Variants in SLC10A7 observed in about 807,000 individuals in gnomAD.
SLC10A7 encodes sodium/bile acid cotransporter 7.
Under a neutral mutation model 43.2 loss-of-function variants are expected in SLC10A7, and 29 were observed. The ratio of observed to expected loss-of-function variants is 0.67; its 90% CI spans 0.50 to 0.92. SLC10A7 has a LOEUF of 0.92. Among genes scored for constraint, SLC10A7 ranks in the 40% least tolerant of loss-of-function variants. The pLI, the probability that SLC10A7 is intolerant of heterozygous loss-of-function variation, is 0.00. For missense variants in SLC10A7, 295 were observed against 403.2 expected, an observed-to-expected ratio of 0.73 and a Z score of 2.30; for synonymous variants, 152 against 144.8, an observed-to-expected ratio of 1.05 and a Z score of -0.35.
chr4:146,433,118 A>G (rs1729913969), intron 5 of SLC10A7, among the ~76,000 whole-genome samples: 1 of 151,306 alleles, frequency 6.6e-6, no homozygotes, highest in South Asian at 2.1e-4. Flanking sequence ...AAGGCTAAAG[A>G]CAGAGAAAAA....
intron 4 of SLC10A7, among the ~76,000 whole-genome samples, chr4:146,474,841 T>A (rs1051208036): frequency 6.6e-6 from 1 of 152,172 alleles, no homozygotes; most frequent in Non-Finnish European, 1.5e-5. Flanking sequence ...ATATACTAAT[T>A]TTAAAATGTG....
At chr4:146,414,287 C>T (rs1032634592) in intron 5 of SLC10A7, among the ~76,000 whole-genome samples, 2 of 152,190 alleles carry the variant, frequency 1.3e-5, no homozygotes, top group Non-Finnish European at 2.9e-5. Flanking sequence ...GATCCAAACA[C>T]ACCCATGTGC....
At chr4:146,348,228 C>A (rs1019906016) in intron 5 of SLC10A7, among the ~76,000 whole-genome samples, 2 of 152,116 alleles carry the variant, frequency 1.3e-5, no homozygotes, top group African/African-American at 4.8e-5. Context: ...AGTTTTCATT[C>A]TAAATGAATG....
At chr4:146,437,901 TTATAGCA>T (rs1730320740) in intron 5 of SLC10A7, among the ~76,000 whole-genome samples, 2 of 152,176 alleles carry the variant, frequency 1.3e-5, no homozygotes, top group South Asian at 4.1e-4. Context: ...CTCTAATGTT[TTATAGCA>T]TAGTTGGAAA....
rs1738684549 is a variant in SLC10A7 at position 146,521,671 on chromosome 4, A to G, written c.47T>C (p.Ile16Thr). Residue 16 changes from isoleucine to threonine, a missense_variant, in exon 1 of 12, where the codon ATA (isoleucine) becomes ACA (threonine). Transcript: ENST00000335472. ...TTTAGCTCCAGCGATCGCCAGCACT[A>G]TTCCGACCATGAACCAGTCTTTCCT... ...RMRKDWFMVGIVLAIAGAKLE... is the reference protein window; with the variant it reads ...RMRKDWFMVGTVLAIAGAKLE... The G allele has an allele frequency of 6.2e-7, 1 of 1,614,034 alleles. No homozygotes were observed. The highest frequency in any genetic ancestry group is 1.7e-5 in the Admixed American group (1 of 59,996).
At chr4:146,447,145 A>G (rs1731163107) in intron 4 of SLC10A7, among the ~76,000 whole-genome samples, 1 of 152,192 alleles carries the variant, frequency 6.6e-6, no homozygotes, top group African/African-American at 2.4e-5. Context: ...CCTTCCTATT[A>G]TAATATAGTT....
In SLC10A7 at chr4:146,386,564, G is replaced by T. The variant is rs1738013014; in HGVS notation, c.435+56219C>A. Among the ~76,000 whole-genome samples, 3 of 152,076 alleles carry T rather than the reference G, an allele frequency of 2.0e-5. No homozygotes were observed. In the South Asian group the frequency reaches 6.2e-4, roughly 32 times the overall value. ...CTTAGCATGTATTCACATATTCTCT[G>T]TTGTTAATGCCTACTGCTATTCTGG... On this transcript the variant is annotated intron_variant, in intron 5 of 11. Transcript: ENST00000335472.
intron 5 of SLC10A7, among the ~76,000 whole-genome samples, chr4:146,347,284 C>T (rs569007639): frequency 6.6e-6 from 1 of 152,210 alleles, no homozygotes; most frequent in South Asian, 2.1e-4. Context: ...ACCAATCTCT[C>T]ACAGAAGCTT....
intron 10 of SLC10A7, among the ~76,000 whole-genome samples, chr4:146,280,006 G>A (rs1729444475): frequency 6.6e-6 from 1 of 152,078 alleles, no homozygotes; most frequent in Non-Finnish European, 1.5e-5. Context: ...GTGTATATAA[G>A]AGAATACTCA....
intron 4 of SLC10A7, among the ~76,000 whole-genome samples, chr4:146,483,917 T>C (rs1734703803): frequency 6.6e-6 from 1 of 152,114 alleles, no homozygotes; most frequent in African/African-American, 2.4e-5. Flanking sequence ...GGTCAATTCA[T>C]CAAGAGGACA....
intron 5 of SLC10A7, among the ~76,000 whole-genome samples, chr4:146,328,186 C>T (rs1301664326): frequency 3.3e-5 from 5 of 152,058 alleles, no homozygotes; most frequent in East Asian, 2.0e-4. Context: ...CTGCACAGGT[C>T]GTCTGAGAAC....
At position 146,501,304 on chromosome 4, in the gene SLC10A7, G is replaced by A. The variant is rs1736389803; in HGVS notation, c.396+2545C>T. On this transcript the variant is annotated intron_variant, in intron 4 of 11. Transcript: ENST00000335472. ...GTATGTCCACTTGGATATATAATAGGCATCTTAGTACATCAAAAAACCAAA... is the reference window on the plus strand; with the variant it reads ...GTATGTCCACTTGGATATATAATAGACATCTTAGTACATCAAAAAACCAAA... 2.6e-5 allele frequency among the ~76,000 whole-genome samples: 4 copies of A among 152,042 alleles called. No individual in the cohort carries two copies. The South Asian group carries it at 8.3e-4, about 32-fold the overall frequency.
intron 4 of SLC10A7, among the ~76,000 whole-genome samples, chr4:146,472,436 GTTTTT>G (rs5862760): frequency 7.8e-6 from 1 of 128,942 alleles, no homozygotes; most frequent in African/African-American, 2.9e-5. Flanking sequence ...GGCTTATTCT[GTTTTT>G]TTTTTTTTTT....
intron 6 of SLC10A7, among the ~76,000 whole-genome samples, chr4:146,315,456 G>A (rs1732261974): frequency 6.6e-6 from 1 of 152,028 alleles, no homozygotes; most frequent in African/African-American, 2.4e-5. Flanking sequence ...TCAGAACCAT[G>A]CAAATGAAAA....
intron 5 of SLC10A7, among the ~76,000 whole-genome samples, chr4:146,378,917 C>T (rs1737403134): frequency 6.7e-6 from 1 of 149,806 alleles, no homozygotes; most frequent in Non-Finnish European, 1.5e-5. Context: ...TAATCTGCTT[C>T]TCACAATTGA....
At chr4:146,449,017 A>G (rs1731349335) in intron 4 of SLC10A7, among the ~76,000 whole-genome samples, 1 of 152,194 alleles carries the variant, frequency 6.6e-6, no homozygotes. Flanking sequence ...ACAAATGAAG[A>G]AACTGTGCTA....
chr4:146,266,763 G>A (rs1728583113), intron 10 of SLC10A7, among the ~76,000 whole-genome samples: 1 of 152,170 alleles, frequency 6.6e-6, no homozygotes, highest in African/African-American at 2.4e-5. Context: ...TGGCGCAGAA[G>A]CTGGAGAGCC....
At chr4:146,306,368 C>A (rs1331322208) in intron 6 of SLC10A7, among the ~76,000 whole-genome samples, 1 of 152,044 alleles carries the variant, frequency 6.6e-6, no homozygotes. Flanking sequence ...CTGTAGATAT[C>A]TAAAATAAAT....
chr4:146,376,754 C>G (rs1737230876), intron 5 of SLC10A7, among the ~76,000 whole-genome samples: 1 of 152,204 alleles, frequency 6.6e-6, no homozygotes, highest in African/African-American at 2.4e-5. Flanking sequence ...AGGGTACACT[C>G]ACCAGCAGTT....
Sources: gnomAD v4.1 joint callset for allele counts (sites outside exome capture counted in the v4.1 genomes callset) on GRCh38, gnomAD v4.1.1 for gene constraint, MANE v1.5 for transcripts, NCBI Gene and HGNC (gene_info 2026-07-23, HGNC 2026-07-21) for gene names.